Variants in PHACTR2 observed in about 807,000 individuals in gnomAD.
The protein encoded by PHACTR2 is phosphatase and actin regulator 2, also known as chromosome 6 open reading frame 56.
Under a neutral mutation model 76.0 loss-of-function variants are expected in PHACTR2, and 30 were observed. The observed-to-expected ratio is 0.39, with a 90% CI of 0.30 to 0.54. The LOEUF is 0.54. Ranked by LOEUF, PHACTR2 falls within the 20% of genes least tolerant of loss-of-function variation. PHACTR2 has a pLI of 0.61. For missense variants in PHACTR2, 696 were observed against 781.1 expected (o/e 0.89, Z 1.30); for synonymous variants, 292 against 292.5 (o/e 1.00, Z 0.02).
chr6:143,745,959 G>A (rs552893198), intron 2 of PHACTR2, among the ~76,000 whole-genome samples: 1 of 152,294 alleles, frequency 6.6e-6, no homozygotes, highest in South Asian at 2.1e-4. Context: ...GGAAGAAAGG[G>A]GGAATTTTTA....
At chr6:143,705,271 A>G (rs919861400) in intron 1 of PHACTR2, among the ~76,000 whole-genome samples, 1 of 149,020 alleles carries the variant, frequency 6.7e-6, no homozygotes, top group African/African-American at 2.5e-5. Context: ...AGCGCCTGCT[A>G]CAAAGTCTGG....
intron 1 of PHACTR2, among the ~76,000 whole-genome samples, chr6:143,631,824 G>T (rs1051690412): frequency 6.6e-6 from 1 of 152,146 alleles, no homozygotes; most frequent in Non-Finnish European, 1.5e-5. Context: ...GAGACAAGCA[G>T]AGTAGAAAGA....
In PHACTR2 at chr6:143,731,845, C is replaced by A. The variant is rs11758469; in HGVS notation, c.215-17140C>A. On this transcript the variant is annotated intron_variant, in intron 2 of 12. Transcript: ENST00000440869. This position sits in a 1 kb window ranked among gnomAD's most constrained non-coding sequence, Gnocchi z 4.9. ...AGAATAAACAGTAAAGCATTATGGA[C>A]CTGAAGATTTCTCTTTTGAAAGATT... Among the ~76,000 whole-genome samples the A allele has an allele frequency of 8.7e-3, 1,321 of 152,154 alleles. 30 individuals are homozygous for A. The highest frequency in any genetic ancestry group is 0.05 in the Admixed American group (768 of 15,284).
intron 12 of PHACTR2, among the ~76,000 whole-genome samples, chr6:143,813,895 T>C (rs1776240446): frequency 6.6e-6 from 1 of 152,128 alleles, no homozygotes; most frequent in Non-Finnish European, 1.5e-5. Context: ...CAGTCAAAAA[T>C]ACACGTATAA....
rs929212074 is a variant in PHACTR2 at position 143,598,163 on chromosome 6, T to C, written c.217+60956T>C. 3.3e-5 allele frequency among the ~76,000 whole-genome samples: 5 copies of C among 152,136 alleles called. No homozygotes were observed. Among genetic ancestry groups the C allele is most frequent in the African/African-American group, 1.2e-4 (5 of 41,420 alleles). ...GTTACTTTACATGGCAAAAGGGACT[T>C]TGCAGATGTGAAGACGTTAAGGATG... On this transcript the variant is annotated intron_variant, in intron 1 of 11. Transcript: ENST00000367584. The surrounding 1 kb of genome is among the most constrained non-coding windows in gnomAD (Gnocchi z 4.1).
Position 143,789,020 on chromosome 6 carries a change from A to G in PHACTR2, c.1845+110A>G. The stretch of plus-strand genomic sequence containing the variant: ...AGGGGACGAGATCTTACCAAATATT[A>G]CAACAGTTTTCTGCCTCTGATTATT... On this transcript the variant is annotated intron_variant, in intron 11 of 12. Coordinates refer to ENST00000440869, the MANE Select transcript of PHACTR2 (RefSeq NM_001100164.2). The surrounding 1 kb of genome is among the most constrained non-coding windows in gnomAD (Gnocchi z 5.1). 1.1e-6 allele frequency: 1 copy of G among 923,524 alleles called. No homozygotes were observed. Among genetic ancestry groups the G allele is most frequent in the East Asian group, 2.5e-5 (1 of 39,442 alleles). 57.2% of individuals were successfully genotyped at this position (923,524 alleles called of 1,614,324 possible). A position where few individuals can be genotyped will look rare whatever the true frequency, so the allele number is the denominator to read the frequency against.
intron 1 of PHACTR2, among the ~76,000 whole-genome samples, chr6:143,551,852 T>A (rs535807980): frequency 1.3e-5 from 2 of 152,322 alleles, no homozygotes; most frequent in East Asian, 3.9e-4. Context: ...AAGCTCTAAA[T>A]GGAGAACTTT....
rs1774996752 is a variant in PHACTR2, at chr6:143,546,400, CTG to C, written c.217+9196_217+9197del. Among the ~76,000 whole-genome samples, 1 of 151,232 alleles carries C rather than the reference CTG, an allele frequency of 6.6e-6. No homozygotes were observed. The highest frequency in any genetic ancestry group is 1.5e-5 in the Non-Finnish European group (1 of 67,942). On this transcript the variant is annotated intron_variant, in intron 1 of 11. Coordinates refer to the PHACTR2 transcript ENST00000367584. The surrounding 1 kb of genome is among the most constrained non-coding windows in gnomAD (Gnocchi z 4.9). ...TGTTATCTCTCTCTAGAACTTTGGA[CTG>C]TGGCTAGGGCAAGAATGTCAGAGGT...
At chr6:143,726,282 GGTAAAAACATTT>G (rs1778568765) in intron 2 of PHACTR2, among the ~76,000 whole-genome samples, 1 of 152,058 alleles carries the variant, frequency 6.6e-6, no homozygotes, top group Non-Finnish European at 1.5e-5. Context: ...TTGTTGTTAA[GGTAAAAACATTT>G]GTCATAAAAT....
chr6:143,567,334 T>C (rs1365871427), intron 1 of PHACTR2, among the ~76,000 whole-genome samples: 1 of 152,152 alleles, frequency 6.6e-6, no homozygotes, highest in East Asian at 1.9e-4. Flanking sequence ...TCTCCTATAG[T>C]TTTCTCCATA....
At chr6:143,719,262 T>C (rs1005208746) in intron 2 of PHACTR2, among the ~76,000 whole-genome samples, 5 of 149,582 alleles carry the variant, frequency 3.3e-5, no homozygotes, top group East Asian at 2.0e-4. Context: ...CCTAATTTAC[T>C]GTATCAGGGA....
chr6:143,629,017 T>G (rs1037187721), intron 1 of PHACTR2, among the ~76,000 whole-genome samples: 1 of 144,570 alleles, frequency 6.9e-6, no homozygotes, highest in African/African-American at 2.6e-5. Flanking sequence ...CTTATTCAAC[T>G]CTTGATCTCC....
At position 143,621,168 on chromosome 6, in the gene PHACTR2, G is replaced by C. The variant is rs1279518568; in HGVS notation, c.13+12846G>C. 6.6e-6 allele frequency among the ~76,000 whole-genome samples: 1 copy of C among 152,202 alleles called. No homozygotes were observed. Among genetic ancestry groups the C allele is most frequent in the Non-Finnish European group, 1.5e-5 (1 of 68,036 alleles). On this transcript the variant is annotated intron_variant, in intron 1 of 11. Coordinates refer to the PHACTR2 transcript ENST00000305766. The surrounding 1 kb of genome is among the most constrained non-coding windows in gnomAD (Gnocchi z 4.1). Reference sequence around the variant, plus strand: ...AAATCCAGTTTCAGAGAAGGGATTGGAGGATTGGGTAGGGAATGTGGACAG... The same window carrying C: ...AAATCCAGTTTCAGAGAAGGGATTGCAGGATTGGGTAGGGAATGTGGACAG...
chr6:143,651,049 T>TA (rs200708387), intron 1 of PHACTR2, among the ~76,000 whole-genome samples: 2,715 of 152,066 alleles, frequency 0.018, 84 homozygotes, highest in African/African-American at 0.061. Context: ...ACACTTTTTT[T>TA]AAAAAAGATA....
intron 1 of PHACTR2, among the ~76,000 whole-genome samples, chr6:143,661,921 A>G (rs1317427935): frequency 6.6e-6 from 1 of 152,178 alleles, no homozygotes; most frequent in African/African-American, 2.4e-5. Flanking sequence ...GGAGGAATGA[A>G]AACCCCTCAG....
At chr6:143,729,940 T>TATCATTTCTCCATTGA (rs60709738) in intron 2 of PHACTR2, among the ~76,000 whole-genome samples, 1 of 152,070 alleles carries the variant, frequency 6.6e-6, no homozygotes, top group African/African-American at 2.4e-5. Flanking sequence ...TTGAAACGAC[T>TATCATTTCTCCATTGA]ATTACCTTTG....
chr6:143,650,716 A>G (rs1041600705), intron 1 of PHACTR2, among the ~76,000 whole-genome samples: 1 of 152,206 alleles, frequency 6.6e-6, no homozygotes. Flanking sequence ...TAAAACCCAA[A>G]ACTATAAAAA....
At chr6:143,681,762 T>C (rs552725579) in intron 1 of PHACTR2, among the ~76,000 whole-genome samples, 1 of 152,390 alleles carries the variant, frequency 6.6e-6, no homozygotes, top group South Asian at 2.1e-4. Context: ...AATTTTTATG[T>C]ATGGCGTCAT....
chr6:143,747,269 C>A (rs965998861), intron 2 of PHACTR2, among the ~76,000 whole-genome samples: 1 of 152,106 alleles, frequency 6.6e-6, no homozygotes, highest in Non-Finnish European at 1.5e-5. Context: ...TACACAATTT[C>A]TATTATCAGA....
Sources: allele counts gnomAD v4.1 joint callset (sites outside exome capture counted in the v4.1 genomes callset), GRCh38; gene constraint gnomAD v4.1.1; non-coding constraint Gnocchi (gnomAD v3.1); transcripts MANE v1.5; gene names NCBI Gene and HGNC (gene_info 2026-07-23, HGNC 2026-07-21).